Variants in ARHGAP26 observed in about 807,000 individuals in gnomAD.
The protein encoded by ARHGAP26 is Rho GTPase activating protein 26, also known as rho GTPase-activating protein 26.
Under a neutral mutation model 104.8 loss-of-function variants are expected in ARHGAP26, and 38 were observed. The observed-to-expected ratio is 0.36, with a 90% CI of 0.28 to 0.48. ARHGAP26 has a LOEUF of 0.48. Among genes scored for constraint, ARHGAP26 ranks in the 20% least tolerant of loss-of-function variants. The pLI, the probability that ARHGAP26 is intolerant of heterozygous loss-of-function variation, is 0.99. For synonymous variants in ARHGAP26, 341 were observed against 340.0 expected (o/e 1.00, Z -0.03); for missense variants, 704 against 947.9 (o/e 0.74, Z 3.38).
chr5:142,857,504 A>G (rs1228171569), intron 1 of ARHGAP26, among the ~76,000 whole-genome samples: 1 of 152,158 alleles, frequency 6.6e-6, no homozygotes, highest in Non-Finnish European at 1.5e-5. Flanking sequence ...GGCCCTGCTC[A>G]TGCATGCCTC....
chr5:142,807,412 T>C lies in ARHGAP26; in HGVS notation c.154+36497T>C, dbSNP rs780359650. Among the ~76,000 whole-genome samples, 63 of 152,346 alleles carry C rather than the reference T, an allele frequency of 4.1e-4. No homozygotes were observed. The Middle Eastern group carries it at 0.017, about 41-fold the overall frequency. ...ATGAGCCTCTCAGATCAGCAGTTTCTACACCAGATTGTATTCCCAGAGGCC... is the reference window on the plus strand; with the variant it reads ...ATGAGCCTCTCAGATCAGCAGTTTCCACACCAGATTGTATTCCCAGAGGCC... On this transcript the variant is annotated intron_variant, in intron 1 of 22. Transcript: ENST00000645722.
chr5:142,785,091 C>G (rs573446232), intron 1 of ARHGAP26, among the ~76,000 whole-genome samples: 1 of 151,942 alleles, frequency 6.6e-6, no homozygotes, highest in Non-Finnish European at 1.5e-5. Flanking sequence ...CCACCATGCC[C>G]GGCTAATTTT....
At chr5:142,869,607 G>A (rs1304009598) in intron 1 of ARHGAP26, among the ~76,000 whole-genome samples, 1 of 152,124 alleles carries the variant, frequency 6.6e-6, no homozygotes. Flanking sequence ...TGAAAATACA[G>A]TAGTAAGGTT....
intron 20 of ARHGAP26, chr5:143,168,859 T>C (rs1802400867): frequency 6.6e-6 from 1 of 151,560 alleles, no homozygotes. Flanking sequence ...TTATTTTTAC[T>C]CCTTACACAG....
At chr5:142,816,454 T>C (rs1489491458) in intron 1 of ARHGAP26, among the ~76,000 whole-genome samples, 7 of 152,154 alleles carry the variant, frequency 4.6e-5, no homozygotes, top group Non-Finnish European at 1.0e-4. Flanking sequence ...GAGGAGTACA[T>C]GAGTGAAGCC....
intron 1 of ARHGAP26, among the ~76,000 whole-genome samples, chr5:142,786,654 A>ATTT (rs70991779): frequency 0.012 from 1,200 of 104,306 alleles, 30 homozygotes; most frequent in African/African-American, 0.029. Context: ...GAGTTCTAGA[A>ATTT]TTTTTTTTTT....
chr5:142,945,273 C>G (rs1766936782), intron 11 of ARHGAP26, among the ~76,000 whole-genome samples: 1 of 152,338 alleles, frequency 6.6e-6, no homozygotes, highest in Non-Finnish European at 1.5e-5. Context: ...CTCTTTCAGC[C>G]TTTCTACCTG....
intron 1 of ARHGAP26, among the ~76,000 whole-genome samples, chr5:142,816,142 TAG>T: frequency 6.6e-6 from 1 of 152,220 alleles, no homozygotes; most frequent in East Asian, 1.9e-4. Context: ...TTCTACAGCA[TAG>T]AGATATTGCT....
intron 20 of ARHGAP26, among the ~76,000 whole-genome samples, chr5:143,154,121 G>C (rs1800178761): frequency 6.7e-6 from 1 of 149,790 alleles, no homozygotes; most frequent in Non-Finnish European, 1.5e-5. Context: ...TGGGCCTGGT[G>C]GTGGTCTGAG....
Position 142,897,232 on chromosome 5 carries a change from G to A in ARHGAP26, c.597+2884G>A, listed in dbSNP as rs191393779. ...AGTATAACCATCGTAGTGTGCAGAT[G>A]TTTTTCAGTTCATACAGTGAGAAAC... On this transcript the variant is annotated intron_variant, in intron 6 of 22. Coordinates refer to ENST00000645722, the MANE Select transcript of ARHGAP26 (RefSeq NM_001135608.3). Among the ~76,000 whole-genome samples, 308 of 152,272 alleles carry A rather than the reference G, an allele frequency of 2.0e-3. 6 individuals carry two copies. The South Asian group carries it at 0.029, about 14-fold the overall frequency.
intron 1 of ARHGAP26, among the ~76,000 whole-genome samples, chr5:142,872,228 G>T (rs554875395): frequency 1.3e-5 from 2 of 151,404 alleles, no homozygotes; most frequent in Admixed American, 1.3e-4. Flanking sequence ...TGGAAAACAC[G>T]ATCCCTAACC....
At chr5:143,211,575 T>C (rs1045150549) in intron 21 of ARHGAP26, among the ~76,000 whole-genome samples, 19 of 142,122 alleles carry the variant, frequency 1.3e-4, no homozygotes, top group Admixed American at 3.6e-4. Context: ...ATTTACCTAC[T>C]TACTTTTTTT....
chr5:142,817,603 C>T (rs75489537), intron 1 of ARHGAP26, among the ~76,000 whole-genome samples: 4,846 of 152,202 alleles, frequency 0.032, 194 homozygotes, highest in African/African-American at 0.093. Flanking sequence ...TTGTTACTCA[C>T]GTTCCCTGAC....
chr5:142,991,963 C>T (rs1775685493), intron 11 of ARHGAP26, among the ~76,000 whole-genome samples: 1 of 152,190 alleles, frequency 6.6e-6, no homozygotes, highest in Non-Finnish European at 1.5e-5. Context: ...ATATCCATTT[C>T]CCTGAGCCTA....
In ARHGAP26 at chr5:142,888,244, G is replaced by T. The variant is rs187543324; in HGVS notation, c.486+2845G>T. 2.0e-5 allele frequency among the ~76,000 whole-genome samples: 3 copies of T among 152,310 alleles called. No homozygotes were observed. The East Asian group carries it at 5.8e-4, about 29-fold the overall frequency. ...TGGTAGCGAGTTAACTCCAGCACTG[G>T]CTGTGCAGCCCTTTCCCTTCACCCA... On this transcript the variant is annotated intron_variant, in intron 5 of 22. Coordinates refer to ENST00000645722, the MANE Select transcript of ARHGAP26 (RefSeq NM_001135608.3).
intron 17 of ARHGAP26, among the ~76,000 whole-genome samples, chr5:143,087,125 A>G (rs1473930520): frequency 6.6e-6 from 1 of 152,250 alleles, no homozygotes; most frequent in African/African-American, 2.4e-5. Flanking sequence ...TGCAGAATTC[A>G]GAGTGTAGTC....
At chr5:143,206,815 C>G (rs891366594) in intron 20 of ARHGAP26, among the ~76,000 whole-genome samples, 1 of 152,194 alleles carries the variant, frequency 6.6e-6, no homozygotes, top group African/African-American at 2.4e-5. Context: ...AACACTCCCA[C>G]AAGAGTGGAA....
chr5:142,806,753 A>G (rs1009681498), intron 1 of ARHGAP26, among the ~76,000 whole-genome samples: 1 of 152,310 alleles, frequency 6.6e-6, no homozygotes. Context: ...GTGTTAATAT[A>G]TGCAGTTGAT....
chr5:142,817,615 A>G (rs1009425975), intron 1 of ARHGAP26, among the ~76,000 whole-genome samples: 1 of 152,122 alleles, frequency 6.6e-6, no homozygotes. Context: ...TTCCCTGACC[A>G]CAGACCTAAT....
Sources: gnomAD v4.1 joint callset for allele counts (sites outside exome capture counted in the v4.1 genomes callset) on GRCh38, gnomAD v4.1.1 for gene constraint, MANE v1.5 for transcripts, NCBI Gene and HGNC (gene_info 2026-07-23, HGNC 2026-07-21) for gene names.